Variants in SGCZ observed in about 807,000 individuals in gnomAD.
SGCZ encodes the protein sarcoglycan zeta.
SGCZ carries 40 observed loss-of-function variants against 41.3 expected under a neutral mutation model. That is an observed-to-expected ratio of 0.97 (90% CI 0.75 to 1.26). The LOEUF (loss-of-function observed/expected upper bound fraction) is 1.26. Ranked by LOEUF, SGCZ falls within the 50% of genes most tolerant of loss-of-function variation. The pLI, the probability that SGCZ is intolerant of heterozygous loss-of-function variation, is 0.00. For synonymous variants in SGCZ, 206 were observed against 137.5 expected (o/e 1.50, Z -3.49); for missense variants, 552 against 369.8 (o/e 1.49, Z -4.04).
chr8:14,471,964 T>A (rs1801225213), intron 2 of SGCZ, among the ~76,000 whole-genome samples: 2 of 152,062 alleles, frequency 1.3e-5, no homozygotes, highest in African/African-American at 4.8e-5. Context: ...ATAAGCTGAA[T>A]TTCCGAATCT....
At chr8:14,427,180 A>G (rs1369518678) in intron 2 of SGCZ, among the ~76,000 whole-genome samples, 1 of 152,110 alleles carries the variant, frequency 6.6e-6, no homozygotes, top group South Asian at 2.1e-4. Context: ...CTCTTTGCCA[A>G]AGGAACTTGC....
chr8:14,124,853 A>T (rs1002256450), intron 5 of SGCZ, among the ~76,000 whole-genome samples: 1 of 152,182 alleles, frequency 6.6e-6, no homozygotes, highest in Non-Finnish European at 1.5e-5. Flanking sequence ...TTAAGAACCT[A>T]AAGGTATTAT....
intron 4 of SGCZ, among the ~76,000 whole-genome samples, chr8:14,222,351 G>A (rs761975231): frequency 6.6e-6 from 1 of 151,790 alleles, no homozygotes; most frequent in Non-Finnish European, 1.5e-5. Context: ...TGTATTTTTA[G>A]TAGAAACGGG....
At chr8:14,551,562 TATATATAATATATATATAA>T (rs1803852346) in intron 2 of SGCZ, among the ~76,000 whole-genome samples, 1 of 17,024 alleles carries the variant, frequency 5.9e-5, no homozygotes, top group African/African-American at 3.9e-4. Context: ...ATATATATTA[TATATATAATATATATATAA>T]TATATATAAT....
At chr8:14,845,332 T>C (rs1191859084) in intron 1 of SGCZ, among the ~76,000 whole-genome samples, 7 of 152,148 alleles carry the variant, frequency 4.6e-5, no homozygotes, top group Non-Finnish European at 7.3e-5. Flanking sequence ...AAGGCAAAAT[T>C]GAAATAACAA....
chr8:14,172,361 T>C (rs1214367359), intron 4 of SGCZ, among the ~76,000 whole-genome samples: 1 of 152,170 alleles, frequency 6.6e-6, no homozygotes, highest in Non-Finnish European at 1.5e-5. Flanking sequence ...ACCTTTCATT[T>C]GGAAGGAACA....
intron 1 of SGCZ, among the ~76,000 whole-genome samples, chr8:15,180,701 T>G (rs1319947298): frequency 6.6e-6 from 1 of 151,800 alleles, no homozygotes; most frequent in East Asian, 1.9e-4. Flanking sequence ...CTGGCTAACA[T>G]GTTGAAATTC....
At chr8:14,942,432 A>G (rs771855109) in intron 1 of SGCZ, among the ~76,000 whole-genome samples, 1 of 152,158 alleles carries the variant, frequency 6.6e-6, no homozygotes, top group Admixed American at 6.6e-5. Flanking sequence ...AACTCTTTTA[A>G]CAAACTAAAG....
At chr8:14,879,939 C>A (rs1467861216) in intron 1 of SGCZ, 1 of 151,968 alleles carries the variant, frequency 6.6e-6, no homozygotes, top group Non-Finnish European at 1.5e-5. Context: ...TTCCTGGGTT[C>A]AAGCAATTCT....
At chr8:14,171,770 T>C (rs558326706) in intron 4 of SGCZ, among the ~76,000 whole-genome samples, 2 of 124,928 alleles carry the variant, frequency 1.6e-5, no homozygotes, top group South Asian at 4.7e-4. Context: ...ATCTAAGCTA[T>C]GCTTATTGAC....
chr8:15,118,248 T>A (rs1438972018), intron 1 of SGCZ, among the ~76,000 whole-genome samples: 1 of 152,262 alleles, frequency 6.6e-6, no homozygotes, highest in Non-Finnish European at 1.5e-5. Flanking sequence ...GGAGATTTCC[T>A]ATATTTCTGA....
At chr8:14,217,078 G>T (rs779261898) in intron 4 of SGCZ, among the ~76,000 whole-genome samples, 1 of 152,028 alleles carries the variant, frequency 6.6e-6, no homozygotes, top group South Asian at 2.1e-4. Flanking sequence ...ACGAGGTCAG[G>T]GGATAGAGAC....
At chr8:14,191,713 G>C (rs1001141721) in intron 4 of SGCZ, among the ~76,000 whole-genome samples, 1 of 152,100 alleles carries the variant, frequency 6.6e-6, no homozygotes, top group Non-Finnish European at 1.5e-5. Context: ...AAATCGTAAA[G>C]AGAAGAGAGA....
At chr8:14,667,670 T>C (rs997287868) in intron 1 of SGCZ, among the ~76,000 whole-genome samples, 1 of 152,160 alleles carries the variant, frequency 6.6e-6, no homozygotes, top group East Asian at 1.9e-4. Context: ...AATAGTATAA[T>C]CACAATATTT....
At chr8:14,292,420 G>C (rs1434263206) in intron 3 of SGCZ, among the ~76,000 whole-genome samples, 1 of 151,936 alleles carries the variant, frequency 6.6e-6, no homozygotes, top group Non-Finnish European at 1.5e-5. Flanking sequence ...AAGAAAGTAA[G>C]AAGTGGAGAA....
intron 1 of SGCZ, among the ~76,000 whole-genome samples, chr8:14,561,157 T>C (rs983518151): frequency 6.6e-6 from 1 of 152,316 alleles, no homozygotes; most frequent in South Asian, 2.1e-4. Context: ...TAAGTGATTA[T>C]GCAAACTATC....
intron 1 of SGCZ, among the ~76,000 whole-genome samples, chr8:14,568,006 C>A (rs191346857): frequency 6.6e-6 from 1 of 152,272 alleles, no homozygotes; most frequent in East Asian, 1.9e-4. Flanking sequence ...TCAGTGAGAC[C>A]AAGAACCCAC....
At chr8:14,132,564 T>G (rs1803074783) in intron 5 of SGCZ, among the ~76,000 whole-genome samples, 1 of 152,220 alleles carries the variant, frequency 6.6e-6, no homozygotes, top group Non-Finnish European at 1.5e-5. Context: ...TGTTTATACA[T>G]TATTTACTTC....
At chr8:14,247,157 C>T (rs1051578780) in intron 3 of SGCZ, among the ~76,000 whole-genome samples, 9 of 152,018 alleles carry the variant, frequency 5.9e-5, no homozygotes, top group African/African-American at 2.2e-4. Flanking sequence ...TACTCTGATA[C>T]TTTTATTGAG....
Sources: allele counts gnomAD v4.1 joint callset (sites outside exome capture counted in the v4.1 genomes callset), GRCh38; gene constraint gnomAD v4.1.1; transcripts MANE v1.5; gene names NCBI Gene and HGNC (gene_info 2026-07-23, HGNC 2026-07-21).